BTK: variants seen among roughly 807,000 people sequenced by gnomAD.
BTK encodes Bruton tyrosine kinase.
In BTK, 5 loss-of-function variants were observed where a neutral mutation model predicts 57.4. The ratio of observed to expected loss-of-function variants is 0.09; its 90% confidence interval spans 0.05 to 0.18. The LOEUF is 0.18. Among genes scored for constraint, BTK ranks in the 10% least tolerant of loss-of-function variants. BTK has a pLI of 1.00. For synonymous variants in BTK, 154 were observed against 174.3 expected (o/e 0.88, Z 0.92); for missense variants, 194 against 501.2 (o/e 0.39, Z 5.85).
chrX:101,377,830 C>T (rs1927261976), intron 1 of BTK: 2 of 111,458 alleles, frequency 1.8e-5, no homozygotes, highest in Admixed American at 1.9e-4. Context: ...AGCTAGAGGT[C>T]TACCAGAATT....
chrX:101,353,784 T>A lies in BTK; in HGVS notation c.1750+86A>T, dbSNP rs1000202210. On this transcript the variant is annotated intron_variant, in intron 17 of 18. Coordinates refer to ENST00000308731, the MANE Select transcript of BTK (RefSeq NM_000061.3). Reference sequence around the variant, plus strand: ...TGGAAGAATGAAAGCAAGAACAATATCTCTGTGGAGGTTGCAAAGTGTGAA... The same window carrying A: ...TGGAAGAATGAAAGCAAGAACAATAACTCTGTGGAGGTTGCAAAGTGTGAA... The A allele has an allele frequency of 8.9e-6, 7 of 788,066 alleles. No individual in the cohort carries two copies. In the Admixed American group the frequency reaches 1.5e-4, roughly 17 times the overall value. 64.9% of individuals were successfully genotyped at this position (788,066 alleles called of 1,213,427 possible).
At chrX:101,361,890 G>A (rs997596093) in intron 7 of BTK, among the ~76,000 whole-genome samples, 7 of 112,358 alleles carry the variant, frequency 6.2e-5, no homozygotes, top group South Asian at 3.6e-4. Context: ...GCGAGACTCC[G>A]TCTCAAAACA....
At chrX:101,353,609 A>G (rs1313079294) in intron 17 of BTK, among the ~76,000 whole-genome samples, 1 of 111,966 alleles carries the variant, frequency 8.9e-6, no homozygotes, top group Non-Finnish European at 1.9e-5. Context: ...TGCCTGGTAC[A>G]TAATCAGTAT....
intron 1 of BTK, among the ~76,000 whole-genome samples, chrX:101,381,111 A>C (rs782784535): frequency 9.4e-6 from 1 of 106,752 alleles, no homozygotes; most frequent in East Asian, 2.9e-4. Flanking sequence ...GGATTTATTT[A>C]TCTGGCTAGT....
chrX:101,380,154 T>G (rs974756290), intron 1 of BTK, among the ~76,000 whole-genome samples: 7 of 111,747 alleles, frequency 6.3e-5, no homozygotes, highest in African/African-American at 2.3e-4. Context: ...TCACCCAGGA[T>G]GGAGTGCAGT....
chrX:101,372,965 T>C (rs1339868133), intron 3 of BTK, among the ~76,000 whole-genome samples: 2 of 107,378 alleles, frequency 1.9e-5, no homozygotes, highest in Non-Finnish European at 3.8e-5. Flanking sequence ...GCGCCTGTAG[T>C]CCCAGCTACT....
intron 15 of BTK, 171 bp downstream of exon 15, chrX:101,355,881 A>T: frequency 1.9e-6 from 1 of 528,481 alleles, no homozygotes; most frequent in Non-Finnish European, 3.3e-6. Context: ...GAGGCTGGAG[A>T]TATTTGATGG....
At chrX:101,383,551 A>C (rs1239918195) in intron 1 of BTK, among the ~76,000 whole-genome samples, 9 of 101,212 alleles carry the variant, frequency 8.9e-5, no homozygotes, top group Non-Finnish European at 1.8e-4. Flanking sequence ...TTTTTTTTTC[A>C]TTGAGTCAAT....
At chrX:101,364,976 G>A (rs1416751263) in intron 5 of BTK, among the ~76,000 whole-genome samples, 5 of 111,028 alleles carry the variant, frequency 4.5e-5, no homozygotes, top group African/African-American at 1.3e-4. Flanking sequence ...TTCTGACCTC[G>A]TGATTCACCC....
At chrX:101,375,957 T>A (rs1474992546) in intron 1 of BTK, among the ~76,000 whole-genome samples, 1 of 85,705 alleles carries the variant, frequency 1.2e-5, no homozygotes, top group Non-Finnish European at 2.2e-5. Context: ...GAAAACATAA[T>A]TTTTTTTGGT....
At chrX:101,382,879 AC>A (rs1443135368) in intron 1 of BTK, among the ~76,000 whole-genome samples, 1 of 111,370 alleles carries the variant, frequency 9.0e-6, no homozygotes, top group East Asian at 2.8e-4. Context: ...AAAATAACAC[AC>A]GCAGCTGGGT....
In BTK at chrX:101,358,254, C is replaced by T. The variant is rs782815034; in HGVS notation, c.1102+56G>A. 26 of 1,202,386 alleles carry T rather than the reference C, an allele frequency of 2.2e-5. 1 individual carries two copies. In the South Asian group the frequency reaches 4.4e-4, roughly 20 times the overall value. ...AGATTCTTCCTCTTATCACCTTGTCCTGCATTGCTTATCCTGGTGTCTGTA... is the reference window on the plus strand; with the variant it reads ...AGATTCTTCCTCTTATCACCTTGTCTTGCATTGCTTATCCTGGTGTCTGTA... On this transcript the variant is annotated intron_variant, in intron 12 of 18. Transcript: ENST00000308731.
At chrX:101,363,908 T>TATC (rs1926758361) in intron 5 of BTK, among the ~76,000 whole-genome samples, 1 of 98,233 alleles carries the variant, frequency 1.0e-5, no homozygotes, top group Admixed American at 1.2e-4. Context: ...TTATTATTAT[T>TATC]ATTATTATTA....
chrX:101,353,996 G>A lies in BTK; in HGVS notation c.1632-8C>T. On this transcript the variant is annotated splice_region_variant and splice_polypyrimidine_tract_variant and intron_variant, in intron 16 of 18. Transcript: ENST00000308731. ...TCATCATCCAGGACATACCTGCAAG[G>A]GATTCAGGACTTGTTGCATTAGGAT... 1 of 1,153,202 alleles carries A rather than the reference G, an allele frequency of 8.7e-7. No individual in the cohort carries two copies.
At chrX:101,369,854 AT>A in intron 5 of BTK, 143 bp downstream of exon 5, 5 of 496,928 alleles carry the variant, frequency 1.0e-5, no homozygotes, top group Non-Finnish European at 1.6e-5. Flanking sequence ...CCTTCTATCC[AT>A]TTTTTTCTTC....
intron 1 of BTK, among the ~76,000 whole-genome samples, chrX:101,381,503 G>C (rs1328240676): frequency 8.9e-6 from 1 of 111,764 alleles, no homozygotes; most frequent in Non-Finnish European, 1.9e-5. Context: ...CGTTCTAACT[G>C]AGATTTCAAT....
intron 5 of BTK, among the ~76,000 whole-genome samples, chrX:101,364,439 AAAAG>A (rs1926786592): frequency 9.1e-6 from 1 of 110,086 alleles, no homozygotes; most frequent in Non-Finnish European, 1.9e-5. Flanking sequence ...AGAAAAAAGA[AAAAG>A]AAACAACTCA....
intron 14 of BTK, chrX:101,356,490 T>C: frequency 4.4e-6 from 2 of 451,621 alleles, no homozygotes; most frequent in Non-Finnish European, 7.6e-6. Flanking sequence ...AGTCCAGGAA[T>C]GAAAGAACGC....
intron 5 of BTK, among the ~76,000 whole-genome samples, chrX:101,366,026 C>G (rs1926840789): frequency 8.9e-6 from 1 of 112,243 alleles, no homozygotes; most frequent in Non-Finnish European, 1.9e-5. Context: ...GTGGCTCACG[C>G]CTTGGGAGGC....
Sources: gnomAD v4.1 joint callset for allele counts (sites outside exome capture counted in the v4.1 genomes callset) on GRCh38, gnomAD v4.1.1 for gene constraint, MANE v1.5 for transcripts, NCBI Gene and HGNC (gene_info 2026-07-23, HGNC 2026-07-21) for gene names.